RMST: variants seen among roughly 807,000 people sequenced by gnomAD.
RMST encodes rhabdomyosarcoma 2 associated transcript.
chr12:97,472,285 T>TA (rs1365558007), intron 5 of RMST, among the ~76,000 whole-genome samples: 1 of 152,148 alleles, frequency 6.6e-6, no homozygotes, highest in Non-Finnish European at 1.5e-5. Flanking sequence ...GGTACATACT[T>TA]ACGTAATGGA....
chr12:97,510,103 A>G (rs1471326354), intron 10 of RMST, among the ~76,000 whole-genome samples: 3 of 152,224 alleles, frequency 2.0e-5, no homozygotes, highest in African/African-American at 2.4e-5. Flanking sequence ...TCTGAGATTT[A>G]TAAGAGAGGA....
intron 10 of RMST, among the ~76,000 whole-genome samples, chr12:97,528,747 T>G (rs1389185684): frequency 6.6e-6 from 1 of 151,976 alleles, no homozygotes; most frequent in East Asian, 1.9e-4. Flanking sequence ...AGTAAGTGAG[T>G]GGGCTGAGGA....
intron 4 of RMST, chr12:97,465,142 C>T (rs956354769): frequency 6.6e-6 from 1 of 152,246 alleles, no homozygotes; most frequent in Admixed American, 6.5e-5. Flanking sequence ...TCTCCAAATG[C>T]CTGGATTCTG....
At chr12:97,471,238 G>A (rs978767849) in intron 5 of RMST, among the ~76,000 whole-genome samples, 1 of 152,054 alleles carries the variant, frequency 6.6e-6, no homozygotes. Context: ...CTTCAAGGAG[G>A]TATTACTTTT....
At chr12:97,511,596 T>A (rs1034301105) in intron 10 of RMST, among the ~76,000 whole-genome samples, 1 of 152,230 alleles carries the variant, frequency 6.6e-6, no homozygotes, top group African/African-American at 2.4e-5. Flanking sequence ...TGATTTTGAA[T>A]CCTGGCCCTG....
chr12:97,555,984 T>C (rs1883682501), intron 11 of RMST, among the ~76,000 whole-genome samples: 2 of 152,152 alleles, frequency 1.3e-5, no homozygotes, highest in African/African-American at 4.8e-5. Context: ...TAATCTTTCT[T>C]CCCCCTTCTC....
chr12:97,533,594 T>C (rs1490223470), intron 11 of RMST: 1 of 152,008 alleles, frequency 6.6e-6, no homozygotes, highest in East Asian at 1.9e-4. Context: ...GGTGAAAAGT[T>C]GTGTATTCAC....
rs532789771 is a variant in RMST at position 97,480,273 on chromosome 12, G to C, written n.645-12188G>C. On this transcript the variant is annotated intron_variant and non_coding_transcript_variant, in intron 5 of 13. Coordinates refer to ENST00000640149, the Ensembl canonical transcript of RMST. ...CCTGGCTAATTTTTTTGTATTTTTA[G>C]TAGAGACGGGGTTTCACCGTGTTAG... 2.0e-5 allele frequency among the ~76,000 whole-genome samples: 3 copies of C among 151,898 alleles called. No homozygotes were observed. The East Asian group carries it at 5.8e-4, about 30-fold the overall frequency.
intron 11 of RMST, among the ~76,000 whole-genome samples, chr12:97,546,155 A>G (rs1291355072): frequency 1.3e-5 from 2 of 152,108 alleles, no homozygotes; most frequent in Non-Finnish European, 2.9e-5. Flanking sequence ...TTTGGTTGTC[A>G]TTATCCTTGA....
At chr12:97,501,906 G>C (rs1230007315) in intron 10 of RMST, among the ~76,000 whole-genome samples, 1 of 152,134 alleles carries the variant, frequency 6.6e-6, no homozygotes, top group Non-Finnish European at 1.5e-5. Flanking sequence ...ACAAAACTTA[G>C]TTTATCTTGT....
At chr12:97,529,983 A>G (rs1286310434) in intron 10 of RMST, among the ~76,000 whole-genome samples, 1 of 152,126 alleles carries the variant, frequency 6.6e-6, no homozygotes, top group African/African-American at 2.4e-5. Context: ...TTGAACTTTT[A>G]GCAAAGATAA....
chr12:97,496,674 G>T (rs1471317023), intron 10 of RMST, among the ~76,000 whole-genome samples: 1 of 152,098 alleles, frequency 6.6e-6, no homozygotes, highest in Non-Finnish European at 1.5e-5. Context: ...CTCTTGTGTT[G>T]GATGTCTTTT....
intron 10 of RMST, among the ~76,000 whole-genome samples, chr12:97,498,876 T>G (rs1877758013): frequency 6.6e-6 from 1 of 152,164 alleles, no homozygotes; most frequent in African/African-American, 2.4e-5. Flanking sequence ...GACCTTTTAT[T>G]AAGGGTCAGA....
At chr12:97,561,139 T>C (rs143477343) in intron 13 of RMST, 1 of 152,364 alleles carries the variant, frequency 6.6e-6, no homozygotes, top group African/African-American at 2.4e-5. Flanking sequence ...ATTTCCTAAC[T>C]AAAGAGTGCT....
chr12:97,503,923 CT>C (rs112546385), intron 10 of RMST, among the ~76,000 whole-genome samples: 3,105 of 150,664 alleles, frequency 0.021, 50 homozygotes, highest in Non-Finnish European at 0.026. Flanking sequence ...ACAATTAAAA[CT>C]TTTTTTTTTC....
At position 97,540,120 on chromosome 12, in the gene RMST, G is replaced by A. The variant is rs562415212; in HGVS notation, n.1545+9261G>A. 2.6e-5 allele frequency among the ~76,000 whole-genome samples: 4 copies of A among 151,764 alleles called. No individual in the cohort carries two copies. The South Asian group carries it at 8.3e-4, about 31-fold the overall frequency. ...CCTTTCCAAAGGATAGATTGTAGGC[G>A]CATTGAGGGAAATCTATTTCTTTGT... On this transcript the variant is annotated intron_variant and non_coding_transcript_variant, in intron 11 of 13. Transcript: ENST00000640149.
At chr12:97,529,496 T>C (rs1299130573) in intron 10 of RMST, among the ~76,000 whole-genome samples, 2 of 152,138 alleles carry the variant, frequency 1.3e-5, no homozygotes, top group African/African-American at 4.8e-5. Flanking sequence ...AACTTTTCCC[T>C]AAATTTCCCC....
rs759867694 is a variant in RMST, at chr12:97,495,443, T to C, written n.1215-488T>C. ...AGCTGAACATAAGTAAAATTCCAGGTACCTGTTGATGCAATATGAGGATAC... is the reference window on the plus strand; with the variant it reads ...AGCTGAACATAAGTAAAATTCCAGGCACCTGTTGATGCAATATGAGGATAC... On this transcript the variant is annotated intron_variant and non_coding_transcript_variant, in intron 9 of 13. Transcript: ENST00000640149. Among the ~76,000 whole-genome samples, 42 of 152,244 alleles carry C rather than the reference T, an allele frequency of 2.8e-4. 1 individual carries two copies. Among genetic ancestry groups the C allele is most frequent in the Non-Finnish European group, 4.0e-4 (27 of 68,008 alleles).
chr12:97,463,720 A>G (rs1872848648), intron 4 of RMST, among the ~76,000 whole-genome samples: 1 of 152,206 alleles, frequency 6.6e-6, no homozygotes, highest in South Asian at 2.1e-4. Flanking sequence ...TGGAGTTCAA[A>G]TAGTAATATC....
Sources: gnomAD v4.1 joint callset for allele counts (sites outside exome capture counted in the v4.1 genomes callset) on GRCh38, gnomAD v4.1.1 for gene constraint, MANE v1.5 for transcripts, NCBI Gene and HGNC (gene_info 2026-07-23, HGNC 2026-07-21) for gene names.